WDR20: variants seen among roughly 807,000 people sequenced by gnomAD.
The protein encoded by WDR20 is WD repeat domain 20.
Under a neutral mutation model 38.7 loss-of-function variants are expected in WDR20, and 3 were observed. The observed-to-expected ratio is 0.08, with a 90% CI of 0.04 to 0.20. The LOEUF is 0.20. Ranked by LOEUF, WDR20 falls within the 10% of genes least tolerant of loss-of-function variation. The pLI is 1.00. For missense variants in WDR20, 559 were observed against 727.7 expected (o/e 0.77, Z 2.67); for synonymous variants, 298 against 285.6 (o/e 1.04, Z -0.44).
intron 1 of WDR20, among the ~76,000 whole-genome samples, chr14:102,161,142 A>ATATATATATTT (rs1342924049): frequency 6.2e-4 from 10 of 16,052 alleles, no homozygotes; most frequent in African/African-American, 2.2e-3. Context: ...ATATATATAT[A>ATATATATATTT]TTTTTTTTTT....
At chr14:102,179,876 G>A (rs193140128) in intron 1 of WDR20, among the ~76,000 whole-genome samples, 4 of 152,254 alleles carry the variant, frequency 2.6e-5, no homozygotes, top group Admixed American at 6.5e-5. Context: ...CAGTTACGTC[G>A]GGACGGTGGC....
chr14:102,155,198 G>A (rs1595939598), intron 1 of WDR20, among the ~76,000 whole-genome samples: 2 of 152,114 alleles, frequency 1.3e-5, no homozygotes, highest in African/African-American at 4.8e-5. Flanking sequence ...TATCTGTCCT[G>A]CCTACTTCAC....
chr14:102,192,938 A>T (rs1269099285), intron 1 of WDR20, among the ~76,000 whole-genome samples: 1 of 151,806 alleles, frequency 6.6e-6, no homozygotes, highest in East Asian at 1.9e-4. Flanking sequence ...CTCCTGAATA[A>T]CTGGGACTAC....
At chr14:102,216,276 A>G (rs573712359), downstream of WDR20, among the ~76,000 whole-genome samples, 7 of 152,300 alleles carry the variant, frequency 4.6e-5, no homozygotes, top group East Asian at 9.7e-4. Flanking sequence ...CTGCCACAAG[A>G]GTGCACAGGG....
chr14:102,204,787 T>A (rs558980719), intron 2 of WDR20, among the ~76,000 whole-genome samples: 1 of 152,386 alleles, frequency 6.6e-6, no homozygotes, highest in East Asian at 1.9e-4. Flanking sequence ...GGTACATTAC[T>A]CACACATGTG....
rs1008447304 is a variant in WDR20, at chr14:102,166,983, C to A, written c.249+26811C>A. On this transcript the variant is annotated intron_variant, in intron 1 of 2. Coordinates refer to ENST00000342702, the MANE Select transcript of WDR20 (RefSeq NM_144574.4). ...TATTCTCTGGAGAGCAGTCAGTGAT[C>A]TTTAAAAATGTGAATCGGATTGTCA... 7.2e-5 allele frequency among the ~76,000 whole-genome samples: 11 copies of A among 152,306 alleles called. No individual in the cohort carries two copies. The Middle Eastern group carries it at 0.02, about 283-fold the overall frequency.
chr14:102,224,334 C>G (rs969897461), downstream of WDR20, among the ~76,000 whole-genome samples: 3 of 152,104 alleles, frequency 2.0e-5, no homozygotes, highest in Non-Finnish European at 4.4e-5. Flanking sequence ...GCCACTGCGC[C>G]CGGCCTTACC....
At chr14:102,193,571 C>T (rs1044133380) in intron 1 of WDR20, 1 of 1,552,922 alleles carries the variant, frequency 6.4e-7, no homozygotes, top group African/African-American at 1.4e-5. Context: ...CCCTGGGGCT[C>T]CCAGAACTAC....
downstream of WDR20, among the ~76,000 whole-genome samples, chr14:102,216,294 C>T (rs1441546003): frequency 6.6e-6 from 1 of 152,208 alleles, no homozygotes; most frequent in Non-Finnish European, 1.5e-5. Flanking sequence ...GGGCTCTGTT[C>T]TTAGCACTGA....
chr14:102,209,461 C>T lies in WDR20; in HGVS notation c.1291C>T (p.Arg431Trp), dbSNP rs1011827370. 5.6e-6 allele frequency: 9 copies of T among 1,614,076 alleles called. No homozygotes were observed. Among genetic ancestry groups the T allele is most frequent in the Non-Finnish European group, 6.8e-6 (8 of 1,180,056 alleles). Residue 431 changes from arginine (R) to tryptophan (W), a missense_variant, in exon 3 of 3, where the codon CGG (arginine) becomes TGG (tryptophan). Arg to Trp is a moderately radical substitution (Grantham distance 101, BLOSUM62 -3). Transcript: ENST00000342702. The surrounding 1 kb of genome is among the most constrained non-coding windows in gnomAD (Gnocchi z 6.0). The stretch of plus-strand genomic sequence containing the variant: ...GAACTCTGTGCCGCCTCCTCTGCCA[C>T]GGTCCAACAGCCTTCCACATTCAGC... ...PGNSVPPPLP[R>W]SNSLPHSAVS...
At chr14:102,173,892 A>G (rs10141204) in intron 1 of WDR20, among the ~76,000 whole-genome samples, 39 of 152,060 alleles carry the variant, frequency 2.6e-4, no homozygotes, top group African/African-American at 9.4e-4. Flanking sequence ...AAAATTCAAA[A>G]AATTAGCTGG....
intron 2 of WDR20, among the ~76,000 whole-genome samples, chr14:102,199,434 C>G (rs1398916428): frequency 2.0e-5 from 3 of 151,904 alleles, no homozygotes; most frequent in Non-Finnish European, 2.9e-5. Context: ...AGGTGAGATA[C>G]CAACCGTTTT....
In WDR20 at chr14:102,209,476, C is replaced by A. The variant is rs1350768993; in HGVS notation, c.1306C>A (p.Pro436Thr). The A allele has an allele frequency of 6.2e-7, 1 of 1,614,124 alleles. No homozygotes were observed. The highest frequency in any genetic ancestry group is 8.5e-7 in the Non-Finnish European group (1 of 1,180,054). The change falls in exon 3 of 3, where the codon CCA becomes ACA. Residue 436 changes from proline to threonine, a missense_variant. Pro to Thr is a conservative substitution (Grantham distance 38). Coordinates refer to ENST00000342702, the MANE Select transcript of WDR20 (RefSeq NM_144574.4). The surrounding 1 kb of genome is among the most constrained non-coding windows in gnomAD (Gnocchi z 6.0). ...TCCTCTGCCACGGTCCAACAGCCTT[C>A]CACATTCAGCAGTCTCAAATGCTGG... ...PPPLPRSNSL[P>T]HSAVSNAGSK...
rs1409223910 is a variant in WDR20 at position 102,194,951 on chromosome 14, G to C, written c.263G>C (p.Ser88Thr). Residue 88 changes from serine to threonine, a missense_variant, in exon 2 of 3, where the codon AGT (serine) becomes ACT (threonine). Coordinates refer to ENST00000342702, the MANE Select transcript of WDR20 (RefSeq NM_144574.4). ...TTTCTCCTCCAGGCTGCTGACTTGA[G>C]TAAACCAATAGATAAAAGGATATAC... ...YKGVRKAADL[S>T]KPIDKRIYKG... The C allele has an allele frequency of 3.7e-6, 6 of 1,613,954 alleles. No homozygotes were observed. Among genetic ancestry groups the C allele is most frequent in the Non-Finnish European group, 5.1e-6 (6 of 1,180,008 alleles).
chr14:102,168,384 A>C (rs371513658), intron 1 of WDR20, among the ~76,000 whole-genome samples: 2 of 152,272 alleles, frequency 1.3e-5, no homozygotes, highest in South Asian at 4.1e-4. Context: ...CATATCCCAC[A>C]GCTGTTAGTA....
At chr14:102,141,084 A>G (rs573515718) in intron 1 of WDR20, among the ~76,000 whole-genome samples, 1 of 152,334 alleles carries the variant, frequency 6.6e-6, no homozygotes, top group African/African-American at 2.4e-5. Context: ...GCCATTTATT[A>G]GAGTTTTTCT....
At position 102,140,345 on chromosome 14, in the gene WDR20, G is replaced by T; in HGVS notation, c.249+173G>T. The T allele has an allele frequency of 3.5e-6, 4 of 1,144,742 alleles. No individual in the cohort carries two copies. In the South Asian group the frequency reaches 4.8e-5, roughly 14 times the overall value. The allele number at this position is 1,144,742 out of a possible 1,614,324, so 70.9% of individuals were successfully genotyped here. The stretch of plus-strand genomic sequence containing the variant: ...GAGAGGGGATTCAGGAGTAAGGAGG[G>T]TGGTGGCGGTGGCGTTTCGAAGGGG... On this transcript the variant is annotated intron_variant, in intron 1 of 2. Transcript: ENST00000342702.
At chr14:102,186,073 A>G (rs752666082) in intron 1 of WDR20, among the ~76,000 whole-genome samples, 6 of 152,204 alleles carry the variant, frequency 3.9e-5, no homozygotes, top group Non-Finnish European at 7.3e-5. Flanking sequence ...TGTTTTTCCT[A>G]TGGGCATAAG....
downstream of WDR20, among the ~76,000 whole-genome samples, chr14:102,224,039 T>A (rs887778496): frequency 1.4e-5 from 2 of 141,990 alleles, no homozygotes; most frequent in South Asian, 2.3e-4. Context: ...TACCTGAGAT[T>A]TTTTTTTTTT....
Sources: allele counts gnomAD v4.1 joint callset (sites outside exome capture counted in the v4.1 genomes callset), GRCh38; gene constraint gnomAD v4.1.1; non-coding constraint Gnocchi (gnomAD v3.1); transcripts MANE v1.5; gene names NCBI Gene and HGNC (gene_info 2026-07-23, HGNC 2026-07-21).